Variants in DPYD observed in about 807,000 individuals in gnomAD.
The protein encoded by DPYD is dihydropyrimidine dehydrogenase, also known as dihydropyrimidine dehydrogenase [NADP(+)].
A neutral mutation model predicts 116.2 loss-of-function variants in DPYD; 109 were observed. The observed-to-expected ratio is 0.94, with a 90% CI of 0.80 to 1.10. DPYD has a LOEUF of 1.10. Ranked by LOEUF, DPYD falls within the 50% of genes least tolerant of loss-of-function variation. DPYD has a pLI of 0.00. For synonymous variants in DPYD, 440 were observed against 432.0 expected (o/e 1.02, Z -0.23); for missense variants, 1,302 against 1,254.5 (o/e 1.04, Z -0.57).
chr1:97,599,321 G>A (rs999762198), intron 8 of DPYD, among the ~76,000 whole-genome samples: 7 of 152,068 alleles, frequency 4.6e-5, no homozygotes, highest in Admixed American at 2.6e-4. Context: ...AGTATATATA[G>A]TAAATTCTTT....
chr1:97,572,193 A>G (rs1280407144), intron 11 of DPYD, among the ~76,000 whole-genome samples: 1 of 152,004 alleles, frequency 6.6e-6, no homozygotes, highest in African/African-American at 2.4e-5. Flanking sequence ...AAATTCTGGA[A>G]TAAAATGCAT....
At chr1:97,539,257 A>G (rs997619519) in intron 12 of DPYD, among the ~76,000 whole-genome samples, 2 of 151,792 alleles carry the variant, frequency 1.3e-5, no homozygotes, top group Non-Finnish European at 2.9e-5. Context: ...ATGTACTCAA[A>G]TTTTTTTTAA....
chr1:97,133,237 T>G (rs966786620), intron 20 of DPYD, among the ~76,000 whole-genome samples: 1 of 152,136 alleles, frequency 6.6e-6, no homozygotes, highest in Non-Finnish European at 1.5e-5. Flanking sequence ...ATTTGGGTTA[T>G]ATATTACATA....
chr1:97,525,556 T>C (rs1252543115), intron 12 of DPYD, among the ~76,000 whole-genome samples: 1 of 152,112 alleles, frequency 6.6e-6, no homozygotes, highest in African/African-American at 2.4e-5. Flanking sequence ...CTTGGGTACT[T>C]AGTGTCTTTT....
intron 3 of DPYD, among the ~76,000 whole-genome samples, chr1:97,785,331 C>T (rs1351802768): frequency 6.6e-6 from 1 of 152,118 alleles, no homozygotes; most frequent in African/African-American, 2.4e-5. Context: ...CAACATGCAC[C>T]ACACAGATTT....
intron 20 of DPYD, among the ~76,000 whole-genome samples, chr1:97,104,097 C>A (rs1387108591): frequency 6.6e-6 from 1 of 152,130 alleles, no homozygotes; most frequent in Non-Finnish European, 1.5e-5. Context: ...TCTGTGCCTA[C>A]TGCACTGCCT....
chr1:97,202,713 A>C (rs1659295841), intron 19 of DPYD, among the ~76,000 whole-genome samples: 1 of 152,228 alleles, frequency 6.6e-6, no homozygotes, highest in Non-Finnish European at 1.5e-5. Flanking sequence ...TGTGCCCTGC[A>C]GGCGAGACTG....
At chr1:97,323,281 T>TATATATACATATGTGTATATGTACAC (rs1668427378) in intron 16 of DPYD, among the ~76,000 whole-genome samples, 1 of 146,874 alleles carries the variant, frequency 6.8e-6, no homozygotes, top group South Asian at 2.1e-4. Flanking sequence ...TATGTACACG[T>TATATATACATATGTGTATATGTACAC]ATATATACAT....
chr1:97,723,144 A>G (rs1018722660), intron 4 of DPYD, among the ~76,000 whole-genome samples: 1 of 151,670 alleles, frequency 6.6e-6, no homozygotes, highest in African/African-American at 2.4e-5. Flanking sequence ...CACGGCTTTC[A>G]CAGCATTCGT....
intron 16 of DPYD, among the ~76,000 whole-genome samples, chr1:97,323,747 AT>A (rs1668556103): frequency 6.7e-6 from 1 of 149,090 alleles, no homozygotes; most frequent in Non-Finnish European, 1.5e-5. Context: ...TATATAATAT[AT>A]TTAAAAACAA....
intron 20 of DPYD, among the ~76,000 whole-genome samples, chr1:97,182,634 T>TG (rs1328361878): frequency 6.6e-6 from 1 of 152,036 alleles, no homozygotes; most frequent in Non-Finnish European, 1.5e-5. Context: ...AAAGCTGTAA[T>TG]GGGAGAAGAT....
chr1:97,858,322 C>G (rs1009015138), intron 2 of DPYD, among the ~76,000 whole-genome samples: 1 of 151,776 alleles, frequency 6.6e-6, no homozygotes, highest in Non-Finnish European at 1.5e-5. Flanking sequence ...TTTGTTAAGT[C>G]TGCTAAAATA....
At chr1:97,796,297 G>C (rs1293104654) in intron 3 of DPYD, among the ~76,000 whole-genome samples, 1 of 152,060 alleles carries the variant, frequency 6.6e-6, no homozygotes, top group Non-Finnish European at 1.5e-5. Context: ...AAGCAACACA[G>C]CTAATTAGGG....
intron 18 of DPYD, among the ~76,000 whole-genome samples, chr1:97,241,944 G>T (rs1662362140): frequency 6.6e-6 from 1 of 150,774 alleles, no homozygotes; most frequent in South Asian, 2.1e-4. Context: ...ATTTTTAAGG[G>T]TTGTTAATAT....
chr1:97,693,735 A>G (rs1319465254), intron 6 of DPYD, among the ~76,000 whole-genome samples: 2 of 152,156 alleles, frequency 1.3e-5, no homozygotes, highest in Non-Finnish European at 2.9e-5. Flanking sequence ...AAATAAACCA[A>G]CTACAACAAG....
chr1:97,699,630 C>A (rs575955756), intron 5 of DPYD, 83 bp from the exon 6 acceptor site: 109 of 1,391,292 alleles, frequency 7.8e-5, no homozygotes, highest in Non-Finnish European at 1.0e-4. Context: ...CAAACGAATT[C>A]TTGTTTTAAA....
intron 8 of DPYD, 137 bp downstream of exon 8, chr1:97,678,958 A>C (rs1660292519): frequency 4.8e-6 from 2 of 418,380 alleles, no homozygotes. Flanking sequence ...TTACTTGGCC[A>C]ATCATTTCTA....
Position 97,079,125 on chromosome 1 carries a change from T to C in DPYD, c.2929A>G (p.Thr977Ala). 2 of 1,613,278 alleles carry C rather than the reference T, an allele frequency of 1.2e-6. No individual in the cohort carries two copies. Among genetic ancestry groups the C allele is most frequent in the Non-Finnish European group, 1.7e-6 (2 of 1,179,542 alleles). The change falls in exon 23 of 23, where the codon ACC (threonine) becomes GCC (alanine). Residue 977 changes from threonine (T) to alanine (A), a missense_variant. By Grantham distance (58) the Thr-to-Ala change is moderately conservative. Transcript: ENST00000370192. ...GTGTCGGTTATGGTGGGCAGGTGGG[T>C]TTCTGGATCAAACTGTATAGCCTGC... ...GYQAIQFDPE[T>A]HLPTITDTCT... is the part of the protein sequence containing the mutation.
intron 17 of DPYD, among the ~76,000 whole-genome samples, chr1:97,305,902 C>T (rs964310234): frequency 6.6e-6 from 1 of 151,834 alleles, no homozygotes; most frequent in African/African-American, 2.4e-5. Context: ...TTTGCTGTGA[C>T]TGTGTTTTTT....
Sources: allele counts gnomAD v4.1 joint callset (sites outside exome capture counted in the v4.1 genomes callset), GRCh38; gene constraint gnomAD v4.1.1; transcripts MANE v1.5; gene names NCBI Gene and HGNC (gene_info 2026-07-23, HGNC 2026-07-21).